Variants in CDH13 observed in about 807,000 individuals in gnomAD.
The protein encoded by CDH13 is cadherin-13.
In CDH13, 24 loss-of-function variants were observed where a neutral mutation model predicts 63.8. That is an observed-to-expected ratio of 0.38 (90% CI 0.27 to 0.53). The LOEUF is 0.53. CDH13 is among the 20% of genes least tolerant of loss of function. The pLI is 0.85. For missense variants in CDH13, 1,049 were observed against 903.1 expected (o/e 1.16, Z -2.07); for synonymous variants, 503 against 355.3 (o/e 1.42, Z -4.67).
intron 8 of CDH13, among the ~76,000 whole-genome samples, chr16:83,626,848 C>T (rs545869107): frequency 1.3e-5 from 2 of 152,276 alleles, no homozygotes; most frequent in Admixed American, 1.3e-4. Flanking sequence ...CTCCCTAGGA[C>T]GCCTCGGAAT....
intron 11 of CDH13, among the ~76,000 whole-genome samples, chr16:83,778,559 T>C (rs980482233): frequency 3.3e-5 from 5 of 151,676 alleles, no homozygotes; most frequent in South Asian, 2.1e-4. Flanking sequence ...CATTATTAGA[T>C]TGGTGATTAT....
At chr16:83,010,108 C>G (rs1272383921) in intron 2 of CDH13, among the ~76,000 whole-genome samples, 2 of 108,804 alleles carry the variant, frequency 1.8e-5, no homozygotes, top group African/African-American at 3.8e-5. Flanking sequence ...GCACTCCAGG[C>G]TGGGCAACAA....
chr16:83,300,625 G>T (rs914546874), intron 5 of CDH13, among the ~76,000 whole-genome samples: 2 of 152,210 alleles, frequency 1.3e-5, no homozygotes, highest in Admixed American at 1.3e-4. Flanking sequence ...CAACATGAAT[G>T]TAGTTCTGCC....
chr16:82,907,404 C>T (rs192493302), intron 2 of CDH13, among the ~76,000 whole-genome samples: 1 of 152,196 alleles, frequency 6.6e-6, no homozygotes, highest in East Asian at 1.9e-4. Context: ...GGATTAAAAA[C>T]TACTGTTTAG....
chr16:83,497,454 T>C (rs1399719124), intron 7 of CDH13, among the ~76,000 whole-genome samples: 1 of 138,516 alleles, frequency 7.2e-6, no homozygotes, highest in Non-Finnish European at 1.5e-5. Context: ...AGGTGGGAAC[T>C]GAACAGTGAA....
intron 2 of CDH13, among the ~76,000 whole-genome samples, chr16:83,011,711 C>G (rs1317581813): frequency 1.3e-5 from 2 of 152,176 alleles, no homozygotes; most frequent in African/African-American, 4.8e-5. Flanking sequence ...TTCCTTTCTT[C>G]CCTTCTTCTT....
At chr16:83,148,484 C>T (rs1273764124) in intron 4 of CDH13, among the ~76,000 whole-genome samples, 1 of 152,196 alleles carries the variant, frequency 6.6e-6, no homozygotes, top group African/African-American at 2.4e-5. Flanking sequence ...CCCAGCCCTG[C>T]CATTCACCAG....
In CDH13 at chr16:82,999,059, A is replaced by G. The variant is rs117982011; in HGVS notation, c.158-32951A>G. ...GTATTCTTCCACGTTCCATCAGCAG[A>G]AACTTTCCTTCATTTGATACTTGAA... On this transcript the variant is annotated intron_variant, in intron 2 of 13. Transcript: ENST00000567109. 1.5e-3 allele frequency among the ~76,000 whole-genome samples: 228 copies of G among 152,252 alleles called. 1 individual carries two copies. The highest frequency in any genetic ancestry group is 4.2e-3 in the Admixed American group (64 of 15,290).
chr16:83,456,012 G>C (rs967650701), intron 6 of CDH13, among the ~76,000 whole-genome samples: 3 of 152,208 alleles, frequency 2.0e-5, no homozygotes, highest in African/African-American at 7.2e-5. Context: ...CTGTTACCCT[G>C]CTGTCTGTCT....
chr16:83,363,236 G>A (rs937905319), intron 6 of CDH13, among the ~76,000 whole-genome samples: 3 of 152,198 alleles, frequency 2.0e-5, no homozygotes, highest in African/African-American at 7.2e-5. Context: ...GGAGATGGGT[G>A]GCTGCTTCTT....
intron 7 of CDH13, among the ~76,000 whole-genome samples, chr16:83,555,267 T>A (rs1475376447): frequency 6.6e-6 from 1 of 152,028 alleles, no homozygotes; most frequent in Non-Finnish European, 1.5e-5. Context: ...CATAGGGGTA[T>A]CTTAGAACCT....
intron 4 of CDH13, among the ~76,000 whole-genome samples, chr16:83,183,477 T>C (rs1046550708): frequency 1.2e-4 from 18 of 152,210 alleles, no homozygotes; most frequent in African/African-American, 3.4e-4. Context: ...CACATGGGAA[T>C]TGGGTACGCA....
At chr16:83,121,567 T>C (rs1037744444) in intron 3 of CDH13, among the ~76,000 whole-genome samples, 3 of 152,218 alleles carry the variant, frequency 2.0e-5, no homozygotes, top group African/African-American at 7.2e-5. Flanking sequence ...GGTCGGAACA[T>C]GGTCTTCACA....
chr16:83,343,503 A>C (rs2090773279), intron 5 of CDH13, among the ~76,000 whole-genome samples: 1 of 152,220 alleles, frequency 6.6e-6, no homozygotes, highest in Admixed American at 6.5e-5. Flanking sequence ...AACGGAACAA[A>C]AGTATGAGTC....
intron 1 of CDH13, among the ~76,000 whole-genome samples, chr16:82,673,780 A>G (rs947397638): frequency 6.6e-6 from 1 of 152,226 alleles, no homozygotes; most frequent in Non-Finnish European, 1.5e-5. Context: ...ACAACTTTAC[A>G]GGCATGGGTT....
At chr16:83,031,854 T>G (rs1221411384) in intron 2 of CDH13, among the ~76,000 whole-genome samples, 156 bp from the exon 3 acceptor site, 2 of 152,166 alleles carry the variant, frequency 1.3e-5, no homozygotes, top group African/African-American at 2.4e-5. Context: ...ACAAAGTCAC[T>G]TGGGCACAGG....
intron 3 of CDH13, among the ~76,000 whole-genome samples, chr16:83,110,281 C>T (rs924065791): frequency 3.8e-4 from 58 of 152,140 alleles, no homozygotes; most frequent in African/African-American, 1.3e-3. Context: ...GAGTCACTTA[C>T]GATGTTTAAT....
At chr16:83,474,110 T>C (rs914268516) in intron 6 of CDH13, among the ~76,000 whole-genome samples, 7 of 152,174 alleles carry the variant, frequency 4.6e-5, no homozygotes, top group Non-Finnish European at 1.0e-4. Flanking sequence ...TGAGTCTCTT[T>C]CTTTTAAAAT....
intron 3 of CDH13, among the ~76,000 whole-genome samples, chr16:83,051,741 C>T (rs1404919386): frequency 6.6e-6 from 1 of 152,176 alleles, no homozygotes; most frequent in African/African-American, 2.4e-5. Context: ...GCTACCATCC[C>T]TGTAACTCTA....
Sources: gnomAD v4.1 joint callset for allele counts (sites outside exome capture counted in the v4.1 genomes callset) on GRCh38, gnomAD v4.1.1 for gene constraint, MANE v1.5 for transcripts, NCBI Gene and HGNC (gene_info 2026-07-23, HGNC 2026-07-21) for gene names.